The following INPP5B variants were observed in gnomAD, a reference collection of about 807,000 sequenced individuals.
INPP5B encodes the protein inositol polyphosphate-5-phosphatase B.
In INPP5B, 90 loss-of-function variants were observed where a neutral mutation model predicts 118.5. The observed-to-expected ratio is 0.76, with a 90% confidence interval of 0.64 to 0.90. The LOEUF is 0.90. Ranked by LOEUF, INPP5B falls within the 40% of genes least tolerant of loss-of-function variation. The probability of loss-of-function intolerance (pLI) is 0.00; values close to 1 mark genes in which losing one functional copy is unlikely to be tolerated. For synonymous variants in INPP5B, 385 were observed against 418.9 expected (o/e 0.92, Z 0.99); for missense variants, 984 against 1,125.6 (o/e 0.87, Z 1.80).
chr1:37,941,974 T>TATATATATATATATATATATATAA (rs1390505203), intron 5 of INPP5B: 3 of 80,908 alleles, frequency 3.7e-5, no homozygotes, highest in East Asian at 3.5e-4. Context: ...TATATATATA[T>TATATATATATATATATATATATAA]AAAATAAAAT....
At chr1:37,889,756 G>A in intron 8 of INPP5B, 32 bp from the exon 9 acceptor site, 1 of 1,538,344 alleles carries the variant, frequency 6.5e-7, no homozygotes, top group Non-Finnish European at 8.9e-7. Flanking sequence ...TTTCATATGT[G>A]GATGAGTCCC....
intron 5 of INPP5B, among the ~76,000 whole-genome samples, chr1:37,942,797 T>C (rs1306850513): frequency 6.6e-6 from 1 of 151,752 alleles, no homozygotes; most frequent in African/African-American, 2.4e-5. Flanking sequence ...TAATCCCAGC[T>C]ACTTGGGAAG....
intron 7 of INPP5B, among the ~76,000 whole-genome samples, chr1:37,925,106 G>A (rs1394609942): frequency 6.6e-6 from 1 of 152,096 alleles, no homozygotes; most frequent in African/African-American, 2.4e-5. Flanking sequence ...CCCAGGAGGT[G>A]GAGGCTGCAG....
Position 37,862,084 on chromosome 1 carries a change from G to GTTGAAAA in INPP5B, c.*224_*230dup, listed in dbSNP as rs1301933320. 1 of 451,802 alleles carries GTTGAAAA rather than the reference G, an allele frequency of 2.2e-6. No homozygotes were observed. The highest frequency in any genetic ancestry group is 4.7e-5 in the South Asian group (1 of 21,194). 28.0% of individuals were successfully genotyped at this position (451,802 alleles called of 1,614,324 possible). A position where few individuals can be genotyped will look rare whatever the true frequency, so the allele number is the denominator to read the frequency against. ...AAAAAATCTGTGTTAAATAACTAAA[G>GTTGAAAA]TTGAAAATTGAATGTCAGTTTTATT... On this transcript the variant is annotated 3_prime_UTR_variant, in exon 24 of 24. Coordinates refer to ENST00000373024, the MANE Select transcript of INPP5B (RefSeq NM_005540.3).
chr1:37,900,191 C>T (rs1381800398), intron 7 of INPP5B, among the ~76,000 whole-genome samples: 6 of 150,638 alleles, frequency 4.0e-5, no homozygotes, highest in African/African-American at 1.5e-4. Context: ...AAGCAATTCT[C>T]GTGCTTCAGC....
At chr1:37,902,620 C>T (rs374487140) in intron 7 of INPP5B, among the ~76,000 whole-genome samples, 3 of 152,246 alleles carry the variant, frequency 2.0e-5, no homozygotes, top group African/African-American at 7.2e-5. Flanking sequence ...TGCAATGGCA[C>T]AATCTCGGCT....
intron 7 of INPP5B, chr1:37,931,380 G>C: frequency 7.3e-7 from 1 of 1,377,816 alleles, no homozygotes. Context: ...GGCCCAGAGA[G>C]GGGCAGCGAG....
chr1:37,862,557 A>C (rs1431476290), intron 23 of INPP5B, 127 bp from the exon 24 acceptor site: 7 of 672,122 alleles, frequency 1.0e-5, no homozygotes, highest in African/African-American at 1.8e-5. Context: ...TGCAAACATC[A>C]TAGCGTGTAC....
intron 20 of INPP5B, among the ~76,000 whole-genome samples, chr1:37,867,179 C>T (rs1281052484): frequency 6.6e-6 from 1 of 152,138 alleles, no homozygotes; most frequent in African/African-American, 2.4e-5. Flanking sequence ...TTGCAGTGAG[C>T]CAAGATGGTG....
chr1:37,875,426 G>A (rs190478359), intron 17 of INPP5B, among the ~76,000 whole-genome samples, 180 bp downstream of exon 17: 66 of 152,138 alleles, frequency 4.3e-4, no homozygotes, highest in African/African-American at 1.5e-3. Context: ...CGACCACCAC[G>A]CCCGGCTAAT....
At chr1:37,901,607 G>A (rs1463083438) in intron 7 of INPP5B, among the ~76,000 whole-genome samples, 4 of 152,150 alleles carry the variant, frequency 2.6e-5, no homozygotes, top group African/African-American at 4.8e-5. Flanking sequence ...GCATCTTGTC[G>A]ATGTCTTCTC....
rs146004773 is a variant in INPP5B at position 37,939,062 on chromosome 1, T to C, written c.391+1626A>G. On this transcript the variant is annotated intron_variant, in intron 6 of 23. Coordinates refer to ENST00000373024, the MANE Select transcript of INPP5B (RefSeq NM_005540.3). ...TCCAAAAATCAGCTGGGCGTGGTGGTGGGCGCCAGTAATCCCAGCTACTCG... is the reference window on the plus strand; with the variant it reads ...TCCAAAAATCAGCTGGGCGTGGTGGCGGGCGCCAGTAATCCCAGCTACTCG... 5.3e-3 allele frequency among the ~76,000 whole-genome samples: 810 copies of C among 151,902 alleles called. 9 individuals are homozygous for C. The highest frequency in any genetic ancestry group is 0.019 in the African/African-American group (784 of 41,460).
intron 7 of INPP5B, among the ~76,000 whole-genome samples, chr1:37,902,258 A>C (rs1178940138): frequency 1.3e-5 from 2 of 152,154 alleles, no homozygotes; most frequent in Non-Finnish European, 2.9e-5. Context: ...AAGTGCTAGG[A>C]TTACAGGCGT....
At chr1:37,941,226 G>A (rs567653127) in intron 5 of INPP5B, among the ~76,000 whole-genome samples, 5 of 152,254 alleles carry the variant, frequency 3.3e-5, no homozygotes, top group South Asian at 4.1e-4. Flanking sequence ...ACGTGGGCCC[G>A]TCTCAGGGAG....
intron 16 of INPP5B, among the ~76,000 whole-genome samples, chr1:37,877,728 T>C (rs1642929689): frequency 6.6e-6 from 1 of 152,178 alleles, no homozygotes; most frequent in Non-Finnish European, 1.5e-5. Flanking sequence ...AATACATACA[T>C]TATGGCTCAT....
At chr1:37,864,506 C>T (rs558599780) in intron 22 of INPP5B, 83 bp from the exon 23 acceptor site, 25 of 769,274 alleles carry the variant, frequency 3.2e-5, no homozygotes, top group East Asian at 1.1e-4. Flanking sequence ...ACTGTATACA[C>T]GATCCAAGTG....
At chr1:37,898,318 G>A (rs1028060814) in intron 7 of INPP5B, among the ~76,000 whole-genome samples, 2 of 152,138 alleles carry the variant, frequency 1.3e-5, no homozygotes, top group African/African-American at 2.4e-5. Context: ...TTTTAGGACA[G>A]CAAAACTATA....
intron 1 of INPP5B, among the ~76,000 whole-genome samples, 199 bp downstream of exon 1, chr1:37,946,791 C>T (rs912126990): frequency 6.6e-6 from 1 of 152,072 alleles, no homozygotes; most frequent in Non-Finnish European, 1.5e-5. Flanking sequence ...CAGGAGGGTC[C>T]CATTCCTCTT....
chr1:37,904,262 T>C (rs752192635), intron 7 of INPP5B, among the ~76,000 whole-genome samples: 2 of 151,996 alleles, frequency 1.3e-5, no homozygotes, highest in African/African-American at 4.8e-5. Flanking sequence ...GAGGCAAAGA[T>C]TGCAGTGAGC....
Sources: gnomAD v4.1 joint callset for allele counts (sites outside exome capture counted in the v4.1 genomes callset) on GRCh38, gnomAD v4.1.1 for gene constraint, MANE v1.5 for transcripts, NCBI Gene and HGNC (gene_info 2026-07-23, HGNC 2026-07-21) for gene names.